CLDN10: variants seen among roughly 807,000 people sequenced by gnomAD.
CLDN10 encodes the protein claudin 10, also known as claudin-10.
A neutral mutation model predicts 22.9 loss-of-function variants in CLDN10; 15 were observed. The observed-to-expected ratio is 0.65, with a 90% CI of 0.44 to 1.01. The LOEUF is 1.01. Among genes scored for constraint, CLDN10 ranks in the 50% least tolerant of loss-of-function variants. The pLI is 0.00. For synonymous variants in CLDN10, 114 were observed against 111.4 expected (o/e 1.02, Z -0.15); for missense variants, 247 against 287.8 (o/e 0.86, Z 1.03).
chr13:95,577,116 A>AT, intron 3 of CLDN10, 115 bp from the exon 4 acceptor site: 1 of 709,178 alleles, frequency 1.4e-6, no homozygotes, highest in Non-Finnish European at 2.4e-6. Context: ...TTCCTTTACA[A>AT]TTTTCAATAG....
intron 1 of CLDN10, among the ~76,000 whole-genome samples, chr13:95,456,176 A>G (rs2042480377): frequency 6.6e-6 from 1 of 152,220 alleles, no homozygotes; most frequent in Admixed American, 6.5e-5. Flanking sequence ...TGAAACTTTT[A>G]ATTTCATATC....
intron 1 of CLDN10, among the ~76,000 whole-genome samples, chr13:95,534,578 G>A (rs1051335089): frequency 1.3e-5 from 2 of 152,136 alleles, no homozygotes; most frequent in East Asian, 1.9e-4. Context: ...GAAACTGATT[G>A]TTATATAAAG....
At chr13:95,482,629 G>C (rs2042761746) in intron 1 of CLDN10, among the ~76,000 whole-genome samples, 1 of 152,172 alleles carries the variant, frequency 6.6e-6, no homozygotes, top group African/African-American at 2.4e-5. Context: ...TTCAGTCTCA[G>C]AACCATCTGG....
chr13:95,539,080 T>C (rs761302697), intron 1 of CLDN10, among the ~76,000 whole-genome samples: 3 of 152,206 alleles, frequency 2.0e-5, no homozygotes, highest in Non-Finnish European at 2.9e-5. Context: ...GGTTTCACCA[T>C]GTTGGCCAGG....
Position 95,514,546 on chromosome 13 carries a change from G to C in CLDN10, c.215-45586G>C, listed in dbSNP as rs531874486. ...TTAAACAGACCCCAAGGTTTGAGAA[G>C]AGAGGAGTAAAAGTGTTTCAGACAA... On this transcript the variant is annotated intron_variant, in intron 1 of 4. Transcript: ENST00000376873. Among the ~76,000 whole-genome samples the C allele has an allele frequency of 1.6e-4, 24 of 152,274 alleles. No individual in the cohort carries two copies. The South Asian group carries it at 4.6e-3, about 29-fold the overall frequency.
chr13:95,559,258 C>T (rs972681146), intron 1 of CLDN10, among the ~76,000 whole-genome samples: 1 of 152,104 alleles, frequency 6.6e-6, no homozygotes, highest in Non-Finnish European at 1.5e-5. Context: ...TTAGTTTAAA[C>T]CCTGTTAATG....
chr13:95,441,809 C>A (rs776067959), intron 1 of CLDN10, among the ~76,000 whole-genome samples: 11 of 152,154 alleles, frequency 7.2e-5, no homozygotes, highest in Non-Finnish European at 1.5e-4. Context: ...ACTAAAGGGT[C>A]TTAATCCCTC....
chr13:95,471,388 C>T (rs1259511006), intron 1 of CLDN10, among the ~76,000 whole-genome samples: 1 of 147,386 alleles, frequency 6.8e-6, no homozygotes, highest in Non-Finnish European at 1.5e-5. Flanking sequence ...ATATAACATA[C>T]ACACACATGT....
intron 1 of CLDN10, among the ~76,000 whole-genome samples, chr13:95,475,802 C>G (rs950501784): frequency 5.9e-5 from 9 of 152,014 alleles, no homozygotes; most frequent in Non-Finnish European, 7.4e-5. Context: ...CTCTCTCTCT[C>G]TGTCTCTCTC....
At chr13:95,553,089 C>A in intron 1 of CLDN10, 116 bp downstream of exon 1, 1 of 1,378,130 alleles carries the variant, frequency 7.3e-7, no homozygotes, top group Non-Finnish European at 9.8e-7. Context: ...CCTCTGAGGC[C>A]CGACCCGTCT....
intron 1 of CLDN10, among the ~76,000 whole-genome samples, chr13:95,516,968 CTCCTTCCTTCCTTCCTTCCT>C (rs59808109): frequency 0.053 from 7,202 of 135,478 alleles, 329 homozygotes; most frequent in African/African-American, 0.11. Flanking sequence ...AATAGATTCT[CTCCTTCCTTCCTTCCTTCCT>C]TCCTTCCTTC....
At chr13:95,563,523 A>G (rs1187670104) in intron 3 of CLDN10, among the ~76,000 whole-genome samples, 2 of 152,190 alleles carry the variant, frequency 1.3e-5, no homozygotes, top group Non-Finnish European at 2.9e-5. Context: ...TCTATAGAAA[A>G]TATAGACTAT....
In CLDN10 at chr13:95,459,138, G is replaced by A. The variant is rs189240022; in HGVS notation, c.214+25091G>A. 3.5e-4 allele frequency among the ~76,000 whole-genome samples: 53 copies of A among 152,276 alleles called. No homozygotes were observed. The East Asian group carries it at 4.4e-3, about 13-fold the overall frequency. ...GTCTCCCATGGCCTTGGACAGCTCT[G>A]TTCCTGTGGCATTGCAGGGTACAAC... On this transcript the variant is annotated intron_variant, in intron 1 of 4. Transcript: ENST00000376873.
chr13:95,569,528 G>A (rs948240181), intron 3 of CLDN10, among the ~76,000 whole-genome samples: 1 of 152,110 alleles, frequency 6.6e-6, no homozygotes, highest in African/African-American at 2.4e-5. Flanking sequence ...AGGTTGCAGT[G>A]AGCTGAGATC....
At chr13:95,474,715 C>A (rs747175563) in intron 1 of CLDN10, among the ~76,000 whole-genome samples, 3 of 152,138 alleles carry the variant, frequency 2.0e-5, no homozygotes, top group Non-Finnish European at 4.4e-5. Flanking sequence ...TATGTAGAAA[C>A]GGATGGGGAG....
intron 1 of CLDN10, among the ~76,000 whole-genome samples, chr13:95,463,727 C>T (rs1354994003): frequency 6.6e-6 from 1 of 152,124 alleles, no homozygotes; most frequent in East Asian, 1.9e-4. Flanking sequence ...AGGAAGTTCA[C>T]TCTCTGCCTC....
At chr13:95,458,505 A>C (rs184355408) in intron 1 of CLDN10, among the ~76,000 whole-genome samples, 1 of 152,182 alleles carries the variant, frequency 6.6e-6, no homozygotes, top group Admixed American at 6.5e-5. Context: ...GAAGCAAGCC[A>C]CCTTCTTCAC....
At chr13:95,435,961 T>A (rs1345175498) in intron 1 of CLDN10, among the ~76,000 whole-genome samples, 1 of 146,926 alleles carries the variant, frequency 6.8e-6, no homozygotes, top group African/African-American at 2.5e-5. Flanking sequence ...CGGCCTCATC[T>A]TAAAAAAAAA....
At chr13:95,511,015 T>TAA (rs2043091456) in intron 1 of CLDN10, among the ~76,000 whole-genome samples, 1 of 152,160 alleles carries the variant, frequency 6.6e-6, no homozygotes, top group African/African-American at 2.4e-5. Context: ...AAATCTAATA[T>TAA]AAAAGTACTC....
Sources: allele counts gnomAD v4.1 joint callset (sites outside exome capture counted in the v4.1 genomes callset), GRCh38; gene constraint gnomAD v4.1.1; transcripts MANE v1.5; gene names NCBI Gene and HGNC (gene_info 2026-07-23, HGNC 2026-07-21).